The following PRSS3 variants were observed in gnomAD, a reference collection of about 807,000 sequenced individuals.
The protein encoded by PRSS3 is serine protease 3, also known as trypsin-3.
In PRSS3, 14 loss-of-function variants were observed where a neutral mutation model predicts 20.8. That is an observed-to-expected ratio of 0.67 (90% confidence interval 0.44 to 1.05). PRSS3 has a LOEUF of 1.05. Among genes scored for constraint, PRSS3 ranks in the 50% least tolerant of loss-of-function variants. PRSS3 has a pLI of 0.00. For synonymous variants in PRSS3, 91 were observed against 117.6 expected, an observed-to-expected ratio of 0.77 and a Z score of 1.46; for missense variants, 237 against 306.4, an observed-to-expected ratio of 0.77 and a Z score of 1.69.
chr9:33,786,269 G>C, intron 1 of PRSS3: 2 of 563,144 alleles, frequency 3.6e-6, no homozygotes, highest in Non-Finnish European at 6.3e-6. Flanking sequence ...GCCTTGACTT[G>C]TGAGGAGTCT....
chr9:33,787,429 T>C (rs746424668), intron 1 of PRSS3, among the ~76,000 whole-genome samples: 1 of 152,204 alleles, frequency 6.6e-6, no homozygotes, highest in African/African-American at 2.4e-5. Context: ...GTTTGGGGCA[T>C]GTTGAAATAT....
At chr9:33,757,488 T>G (rs1351413022) in intron 1 of PRSS3, among the ~76,000 whole-genome samples, 2 of 151,350 alleles carry the variant, frequency 1.3e-5, no homozygotes, top group African/African-American at 4.8e-5. Context: ...TTTTTTTTTT[T>G]TCCCTGGGAA....
chr9:33,775,773 G>A (rs189613885), intron 1 of PRSS3, among the ~76,000 whole-genome samples: 3 of 147,854 alleles, frequency 2.0e-5, no homozygotes, highest in African/African-American at 7.5e-5. Flanking sequence ...CACGATCTCA[G>A]TTCACTGCAA....
chr9:33,775,496 G>A lies in PRSS3; in HGVS notation c.-52-19250G>A, dbSNP rs1288252888. Among the ~76,000 whole-genome samples the A allele has an allele frequency of 2.0e-5, 3 of 152,298 alleles. No individual in the cohort carries two copies. In the East Asian group the frequency reaches 5.8e-4, roughly 29 times the overall value. On this transcript the variant is annotated intron_variant, in intron 1 of 5. Coordinates refer to the PRSS3 transcript ENST00000342836. ...AGCAGGCCAACCAGGAATTTAACAGGCGGATTCTGGAAATGAGAATCAGAG... is the reference window on the plus strand; with the variant it reads ...AGCAGGCCAACCAGGAATTTAACAGACGGATTCTGGAAATGAGAATCAGAG...
In PRSS3 at chr9:33,772,789, T is replaced by A. The variant is rs1422792069; in HGVS notation, c.-52-21957T>A. 2.6e-5 allele frequency among the ~76,000 whole-genome samples: 4 copies of A among 152,214 alleles called. No individual in the cohort carries two copies. In the East Asian group the frequency reaches 7.7e-4, roughly 29 times the overall value. ...TGGGGTATTTGGGATCTATATATTTTGTGTCTGCCGCCACAAACTGGGAGA... is the reference window on the plus strand; with the variant it reads ...TGGGGTATTTGGGATCTATATATTTAGTGTCTGCCGCCACAAACTGGGAGA... On this transcript the variant is annotated intron_variant, in intron 1 of 5. Transcript: ENST00000342836.
chr9:33,784,036 A>C (rs1824283445), intron 1 of PRSS3, among the ~76,000 whole-genome samples: 1 of 152,210 alleles, frequency 6.6e-6, no homozygotes, highest in Non-Finnish European at 1.5e-5. Context: ...TTATAATTGA[A>C]TCATTAACCA....
upstream of PRSS3, among the ~76,000 whole-genome samples, chr9:33,792,554 A>T (rs1824682122): frequency 6.6e-6 from 1 of 152,244 alleles, no homozygotes; most frequent in African/African-American, 2.4e-5. Flanking sequence ...GGGTGCACCA[A>T]GGATCAGCTC....
In PRSS3 at chr9:33,764,931, GAAACA is replaced by G. The variant is rs931539021; in HGVS notation, c.-53+14211_-53+14215del. Among the ~76,000 whole-genome samples the G allele has an allele frequency of 2.8e-4, 42 of 152,280 alleles. 1 individual carries two copies. Among genetic ancestry groups the G allele is most frequent in the African/African-American group, 9.6e-4 (40 of 41,542 alleles). On this transcript the variant is annotated intron_variant, in intron 1 of 5. Coordinates refer to the PRSS3 transcript ENST00000342836. ...ATGCTCAACATCACTAATCATTAGG[GAAACA>G]AAACAACAAAATACCACTTCATACC...
At chr9:33,798,650 C>A in intron 4 of PRSS3, 28 bp downstream of exon 4, 1 of 1,542,676 alleles carries the variant, frequency 6.5e-7, no homozygotes, top group Non-Finnish European at 8.8e-7. Flanking sequence ...CATGCTGAGG[C>A]TCCCACCGAT....
intron 1 of PRSS3, among the ~76,000 whole-genome samples, chr9:33,775,646 C>T (rs1223523930): frequency 1.3e-5 from 2 of 151,218 alleles, no homozygotes; most frequent in East Asian, 3.9e-4. Flanking sequence ...AACTGGCCTT[C>T]TCCAAGCCCC....
rs754490924 is a variant in PRSS3 at position 33,796,749 on chromosome 9, T to G, written c.147T>G (p.Gly49=). 1.9e-6 allele frequency: 3 copies of G among 1,614,014 alleles called. No individual in the cohort carries two copies. The South Asian group carries it at 3.3e-5, about 18-fold the overall frequency. Residue 49 remains glycine (G), a synonymous_variant, in exon 2 of 5, where the codon GGT becomes GGG. Transcript: ENST00000379405. ...VSLNSGSHFC[G]GSLISEQWVV... is the part of the protein sequence containing the mutation. ...TGAATTCTGGCTCCCACTTCTGCGG[T>G]GGCTCCCTCATCAGCGAACAGTGGG... is the stretch of plus-strand genomic sequence containing the variant.
intron 1 of PRSS3, among the ~76,000 whole-genome samples, chr9:33,763,783 G>A (rs1393972035): frequency 1.3e-5 from 2 of 151,428 alleles, no homozygotes; most frequent in African/African-American, 2.4e-5. Flanking sequence ...CCATATGGAC[G>A]ATTGGCTGCA....
intron 1 of PRSS3, among the ~76,000 whole-genome samples, chr9:33,778,364 TAA>T (rs1563962410): frequency 6.6e-6 from 1 of 152,038 alleles, no homozygotes; most frequent in Non-Finnish European, 1.5e-5. Flanking sequence ...TACTGATGCA[TAA>T]AGACAAGAAA....
chr9:33,786,529 C>T, intron 1 of PRSS3: 1 of 763,472 alleles, frequency 1.3e-6, no homozygotes, highest in Non-Finnish European at 2.4e-6. Context: ...TGGAACTAGG[C>T]TCTGTGTTCA....
At chr9:33,753,436 G>A (rs1428633039) in intron 1 of PRSS3, among the ~76,000 whole-genome samples, 1 of 152,172 alleles carries the variant, frequency 6.6e-6, no homozygotes, top group Non-Finnish European at 1.5e-5. Context: ...TAAAAGCAAT[G>A]TTCAGATTAT....
chr9:33,779,282 G>C (rs1824074663), intron 1 of PRSS3, among the ~76,000 whole-genome samples: 1 of 152,196 alleles, frequency 6.6e-6, no homozygotes, highest in South Asian at 2.1e-4. Flanking sequence ...AATCTGGATA[G>C]AAAGGAAGCT....
intron 1 of PRSS3, among the ~76,000 whole-genome samples, chr9:33,776,005 C>T (rs1281058119): frequency 6.6e-6 from 1 of 151,988 alleles, no homozygotes; most frequent in African/African-American, 2.4e-5. Context: ...CACCCAGCCT[C>T]AGAGAATTAA....
In PRSS3 at chr9:33,799,090, T is replaced by C. The variant is rs1587406988; in HGVS notation, c.654T>C (p.His218=). 3.1e-6 allele frequency: 5 copies of C among 1,614,088 alleles called. No homozygotes were observed. In the East Asian group the frequency reaches 1.1e-4, roughly 36 times the overall value. Residue 218 remains histidine (H), a synonymous_variant, in exon 5 of 5, where the codon CAT becomes CAC. Transcript: ENST00000379405. ...TCCAAGGAGTTGTCTCCTGGGGCCA[T>C]GGCTGTGCCTGGAAGAACAGGCCTG... ...GQLQGVVSWG[H]GCAWKNRPGV... is the part of the protein sequence containing the mutation.
chr9:33,795,010 G>A (rs1194719673), upstream of PRSS3: 3 of 1,286,114 alleles, frequency 2.3e-6, no homozygotes, highest in Non-Finnish European at 3.1e-6. Flanking sequence ...ACCCCTTAGT[G>A]TTGGAATTCT....
Sources: allele counts gnomAD v4.1 joint callset (sites outside exome capture counted in the v4.1 genomes callset), GRCh38; gene constraint gnomAD v4.1.1; transcripts MANE v1.5; gene names NCBI Gene and HGNC (gene_info 2026-07-23, HGNC 2026-07-21).